Variants in PMM2 observed in about 807,000 individuals in gnomAD.
PMM2 encodes mannose-6-phosphate isomerase.
PMM2 carries 35 observed loss-of-function variants against 33.2 expected under a neutral mutation model. The ratio of observed to expected loss-of-function variants is 1.06; its 90% CI spans 0.81 to 1.40. The LOEUF (loss-of-function observed/expected upper bound fraction) is 1.40, where lower values mean the gene tolerates loss of function less well. PMM2 is among the 40% of genes most tolerant of loss of function. The pLI is 0.00. For synonymous variants in PMM2, 153 were observed against 114.7 expected (o/e 1.33, Z -2.13); for missense variants, 386 against 306.0 (o/e 1.26, Z -1.95).
At position 8,824,912 on chromosome 16, in the gene PMM2, C is replaced by G. The variant is rs570662899; in HGVS notation, c.639+11806C>G. Among the ~76,000 whole-genome samples the G allele has an allele frequency of 2.0e-5, 3 of 152,246 alleles. No homozygotes were observed. The South Asian group carries it at 6.2e-4, about 32-fold the overall frequency. The stretch of plus-strand genomic sequence containing the variant: ...CTTTTATTTTTTTTAATAGTTTACT[C>G]CAAAGCCAAATAAAAATCTTTCATT... On this transcript the variant is annotated intron_variant, in intron 7 of 7. Coordinates refer to ENST00000268261, the MANE Select transcript of PMM2 (RefSeq NM_000303.3).
At chr16:8,836,382 T>C (rs1467702242) in intron 7 of PMM2, among the ~76,000 whole-genome samples, 1 of 151,892 alleles carries the variant, frequency 6.6e-6, no homozygotes, top group Non-Finnish European at 1.5e-5. Flanking sequence ...ACAGTCTGAT[T>C]TTCATGGGGT....
intron 7 of PMM2, among the ~76,000 whole-genome samples, chr16:8,823,426 A>G (rs916664712): frequency 4.6e-5 from 7 of 152,226 alleles, no homozygotes; most frequent in African/African-American, 1.7e-4. Flanking sequence ...ATCTAACAGC[A>G]GGGTGTATCA....
At chr16:8,835,127 G>A (rs551904765) in intron 7 of PMM2, among the ~76,000 whole-genome samples, 1 of 149,016 alleles carries the variant, frequency 6.7e-6, no homozygotes, top group South Asian at 2.2e-4. Context: ...ACGCAGACAT[G>A]AGGGCTAGGC....
At chr16:8,825,023 A>G (rs2060758832) in intron 7 of PMM2, among the ~76,000 whole-genome samples, 1 of 152,152 alleles carries the variant, frequency 6.6e-6, no homozygotes, top group East Asian at 1.9e-4. Context: ...TTAATGCTAA[A>G]GCTAGTTTTG....
At chr16:8,814,524 G>C (rs1284562119) in intron 7 of PMM2, among the ~76,000 whole-genome samples, 1 of 152,184 alleles carries the variant, frequency 6.6e-6, no homozygotes, top group Non-Finnish European at 1.5e-5. Flanking sequence ...TTTCAGCAGG[G>C]TCCCCACGTC....
intron 4 of PMM2, among the ~76,000 whole-genome samples, chr16:8,807,320 T>C (rs1006447510): frequency 6.6e-6 from 1 of 152,154 alleles, no homozygotes; most frequent in Admixed American, 6.6e-5. Flanking sequence ...TTTTATGTTT[T>C]AAACATCTGG....
chr16:8,824,871 G>A (rs993578535), intron 7 of PMM2, among the ~76,000 whole-genome samples: 5 of 152,084 alleles, frequency 3.3e-5, no homozygotes, highest in African/African-American at 1.2e-4. Context: ...GATAGCATGA[G>A]GCCAACTGAA....
At chr16:8,837,742 T>C (rs1323986325) in intron 7 of PMM2, among the ~76,000 whole-genome samples, 2 of 151,928 alleles carry the variant, frequency 1.3e-5, no homozygotes, top group East Asian at 1.9e-4. Flanking sequence ...GCCAGAAAAG[T>C]GGGACTTGCC....
At position 8,797,948 on chromosome 16, in the gene PMM2, G is replaced by A; in HGVS notation, c.66G>A (p.Gln22=). 1.9e-6 allele frequency: 3 copies of A among 1,601,648 alleles called. No homozygotes were observed. The South Asian group carries it at 3.4e-5, about 18-fold the overall frequency. The change falls in exon 1 of 8, where the codon CAG becomes CAA. Residue 22 remains glutamine, a splice_region_variant and synonymous_variant. Transcript: ENST00000268261. The part of the protein sequence containing the change: ...DVDGTLTAPR[Q]KITKEMDDFL... ...ATGGGACCCTCACCGCCCCGCGGCA[G>A]GTAAGTGGCGGCCGGCGGGCTGCTG...
At position 8,806,517 on chromosome 16, in the gene PMM2, T is replaced by G. The variant is rs1178107908; in HGVS notation, c.347+110T>G. On this transcript the variant is annotated intron_variant, in intron 4 of 7. Coordinates refer to ENST00000268261, the MANE Select transcript of PMM2 (RefSeq NM_000303.3). ...ATTATAAAAATCACCTAAAGAGTTT[T>G]AAAAACAAAGTCTGATATTTAGCCC... is the stretch of plus-strand genomic sequence containing the variant. 3 of 784,584 alleles carry G rather than the reference T, an allele frequency of 3.8e-6. No homozygotes were observed. The African/African-American group carries it at 5.1e-5, about 13-fold the overall frequency. The allele number at this position is 784,584 out of a possible 1,614,324, so 48.6% of individuals were successfully genotyped here. A position where few individuals can be genotyped will look rare whatever the true frequency, so the allele number is the denominator to read the frequency against.
At chr16:8,814,482 C>G (rs547353386) in intron 7 of PMM2, among the ~76,000 whole-genome samples, 9 of 152,218 alleles carry the variant, frequency 5.9e-5, no homozygotes, top group African/African-American at 1.9e-4. Context: ...ATCCTTGCTG[C>G]ACTGCTAAGA....
chr16:8,843,550 C>T (rs1343501190), intron 7 of PMM2, among the ~76,000 whole-genome samples: 1 of 152,056 alleles, frequency 6.6e-6, no homozygotes, highest in East Asian at 1.9e-4. Context: ...GTAGCAAGCT[C>T]CTGGGGGAGG....
chr16:8,827,255 C>T (rs928428231), intron 7 of PMM2, among the ~76,000 whole-genome samples: 1 of 150,640 alleles, frequency 6.6e-6, no homozygotes, highest in Non-Finnish European at 1.5e-5. Flanking sequence ...TGTGGGCATT[C>T]AGAGTGGCAG....
chr16:8,842,638 G>C (rs891254829), intron 7 of PMM2, among the ~76,000 whole-genome samples: 1 of 152,172 alleles, frequency 6.6e-6, no homozygotes, highest in Admixed American at 6.5e-5. Context: ...TGTATGGGTT[G>C]GGCACCACAG....
intron 4 of PMM2, chr16:8,808,778 G>T (rs1251060207): frequency 6.6e-6 from 1 of 152,244 alleles, no homozygotes; most frequent in Non-Finnish European, 1.5e-5. Context: ...GTCACCCGGG[G>T]CACGGTCACC....
Position 8,833,523 on chromosome 16 carries a change from G to A in PMM2, c.640-14201G>A, listed in dbSNP as rs529980825. ...TAAAATAGTGTTGAAGTGTTGGGGC[G>A]GTGAAAATTTTTAGGGGGTGGTATG... On this transcript the variant is annotated intron_variant, in intron 7 of 7. Transcript: ENST00000268261. Among the ~76,000 whole-genome samples, 275 of 151,760 alleles carry A rather than the reference G, an allele frequency of 1.8e-3. 1 individual carries two copies. The highest frequency in any genetic ancestry group is 6.1e-3 in the African/African-American group (254 of 41,364).
At chr16:8,818,232 T>C (rs1177857365) in intron 7 of PMM2, among the ~76,000 whole-genome samples, 1 of 152,190 alleles carries the variant, frequency 6.6e-6, no homozygotes, top group African/African-American at 2.4e-5. Context: ...TGTATAATAT[T>C]CTCTCATTAG....
intron 7 of PMM2, among the ~76,000 whole-genome samples, chr16:8,840,788 C>T (rs571962297): frequency 2.6e-5 from 4 of 151,950 alleles, no homozygotes; most frequent in East Asian, 1.9e-4. Context: ...AAGTAGGGTC[C>T]GGTCCATCGA....
chr16:8,799,251 T>C (rs1197077433), intron 1 of PMM2, among the ~76,000 whole-genome samples: 1 of 152,214 alleles, frequency 6.6e-6, no homozygotes. Context: ...CTGTGGGCCA[T>C]AGTGGTCTAG....
Sources: gnomAD v4.1 joint callset for allele counts (sites outside exome capture counted in the v4.1 genomes callset) on GRCh38, gnomAD v4.1.1 for gene constraint, MANE v1.5 for transcripts, NCBI Gene and HGNC (gene_info 2026-07-23, HGNC 2026-07-21) for gene names.